The following NCOA2 variants were observed in gnomAD, a reference collection of about 807,000 sequenced individuals.
NCOA2 encodes the protein class E basic helix-loop-helix protein 75.
In NCOA2, 21 loss-of-function variants were observed where a neutral mutation model predicts 145.1. That is an observed-to-expected ratio of 0.14 (90% CI 0.10 to 0.21). The LOEUF is 0.21. Among genes scored for constraint, NCOA2 ranks in the 10% least tolerant of loss-of-function variants. The pLI is 1.00. For missense variants in NCOA2, 1,472 were observed against 1,837.6 expected (o/e 0.80, Z 3.64); for synonymous variants, 619 against 637.5 (o/e 0.97, Z 0.44).
intron 2 of NCOA2, among the ~76,000 whole-genome samples, chr8:70,222,553 G>C (rs1342327913): frequency 6.6e-6 from 1 of 152,140 alleles, no homozygotes; most frequent in Non-Finnish European, 1.5e-5. Context: ...ACAGTAACTA[G>C]AAGACATATT....
intron 1 of NCOA2, among the ~76,000 whole-genome samples, chr8:70,337,198 G>A (rs1269638596): frequency 2.2e-5 from 3 of 134,608 alleles, no homozygotes; most frequent in Non-Finnish European, 4.5e-5. Flanking sequence ...GCACTGCTGA[G>A]GAGTGTGTGT....
rs200846291 is a variant in NCOA2, at chr8:70,144,765, T to A, written c.2689A>T (p.Thr897Ser). The change falls in exon 13 of 23, where the codon ACT becomes TCT. Residue 897 changes from threonine to serine, a missense_variant. Physicochemically the swap from Thr to Ser is moderately conservative, Grantham distance 58. This residue lies in a region of NCOA2 where 953 missense variants were observed against 1,062.1 expected (regional missense o/e 0.90). Coordinates refer to ENST00000452400, the MANE Select transcript of NCOA2 (RefSeq NM_006540.4). Reference sequence around the variant, plus strand: ...ATTGGTGGGAAAGGTCCAGCACCAGTTGGGCTTTGCAATGTGATGTCAAGT... The same window carrying A: ...ATTGGTGGGAAAGGTCCAGCACCAGATGGGCTTTGCAATGTGATGTCAAGT... ...LPLDITLQSP[T>S]GAGPFPPIRN... 104 of 1,613,888 alleles carry A rather than the reference T, an allele frequency of 6.4e-5. No individual in the cohort carries two copies. In the South Asian group the frequency reaches 1.1e-3, roughly 17 times the overall value.
chr8:70,191,067 A>T (rs1816624246), intron 4 of NCOA2, among the ~76,000 whole-genome samples: 1 of 152,180 alleles, frequency 6.6e-6, no homozygotes, highest in Non-Finnish European at 1.5e-5. Flanking sequence ...GGTCTTTACA[A>T]ACACTGATAC....
intron 1 of NCOA2, among the ~76,000 whole-genome samples, chr8:70,335,949 G>C (rs1374675276): frequency 6.6e-6 from 1 of 152,038 alleles, no homozygotes; most frequent in African/African-American, 2.4e-5. Context: ...ACAAAGAAAA[G>C]ACACAGTAAA....
At chr8:70,193,907 T>C (rs944116349) in intron 4 of NCOA2, among the ~76,000 whole-genome samples, 1 of 151,936 alleles carries the variant, frequency 6.6e-6, no homozygotes, top group Non-Finnish European at 1.5e-5. Context: ...GGCATCTCAG[T>C]GATGAATGTA....
chr8:70,115,464 T>TG (rs1240827675), intron 22 of NCOA2, among the ~76,000 whole-genome samples: 1 of 152,128 alleles, frequency 6.6e-6, no homozygotes, highest in Non-Finnish European at 1.5e-5. Flanking sequence ...ACTTTAGGGG[T>TG]GGGGTCCATT....
At chr8:70,373,814 C>T (rs530078519) in intron 1 of NCOA2, among the ~76,000 whole-genome samples, 2 of 152,210 alleles carry the variant, frequency 1.3e-5, no homozygotes, top group Admixed American at 6.5e-5. Flanking sequence ...AACAATTGAC[C>T]GTATAACGTG....
At chr8:70,350,386 T>C (rs918920055) in intron 1 of NCOA2, among the ~76,000 whole-genome samples, 6 of 152,022 alleles carry the variant, frequency 3.9e-5, no homozygotes, top group African/African-American at 1.2e-4. Context: ...TAGGTTTTTT[T>C]CCTGGGATAT....
chr8:70,406,432 A>G (rs1236834337), upstream of NCOA2, among the ~76,000 whole-genome samples: 2 of 152,226 alleles, frequency 1.3e-5, no homozygotes, highest in African/African-American at 4.8e-5. Flanking sequence ...GCTCAATGAC[A>G]CAAATTAAGA....
chr8:70,222,156 A>G (rs1312459214), intron 2 of NCOA2, among the ~76,000 whole-genome samples: 6 of 152,242 alleles, frequency 3.9e-5, no homozygotes, highest in Non-Finnish European at 1.5e-5. Context: ...AAAGTTTTAG[A>G]GGACTCACTT....
At chr8:70,378,047 G>A (rs973441979) in intron 1 of NCOA2, among the ~76,000 whole-genome samples, 2 of 152,166 alleles carry the variant, frequency 1.3e-5, no homozygotes, top group African/African-American at 4.8e-5. Flanking sequence ...GAGACTGCAA[G>A]TAAAATGGAC....
rs73684280 is a variant in NCOA2, at chr8:70,342,820, C to T, written c.-76-46020G>A. On this transcript the variant is annotated intron_variant, in intron 1 of 22. Coordinates refer to ENST00000452400, the MANE Select transcript of NCOA2 (RefSeq NM_006540.4). ...ACACACACACACACACACACACACACATCCCTACATGGTTAGAAAATCTCT... is the reference window on the plus strand; with the variant it reads ...ACACACACACACACACACACACACATATCCCTACATGGTTAGAAAATCTCT... Among the ~76,000 whole-genome samples the T allele has an allele frequency of 3.5e-3, 479 of 137,692 alleles. 5 individuals carry two copies. The highest frequency in any genetic ancestry group is 0.013 in the African/African-American group (463 of 35,610). 90.3% of individuals were successfully genotyped at this position (137,692 alleles called of 152,430 possible).
chr8:70,142,170 CTTGATAT>C (rs1810513776), intron 13 of NCOA2, among the ~76,000 whole-genome samples: 1 of 152,192 alleles, frequency 6.6e-6, no homozygotes, highest in Non-Finnish European at 1.5e-5. Flanking sequence ...TTTGCTAAGA[CTTGATAT>C]TCTAAAGGGA....
At chr8:70,369,287 C>A (rs1420928971) in intron 1 of NCOA2, among the ~76,000 whole-genome samples, 2 of 152,170 alleles carry the variant, frequency 1.3e-5, no homozygotes, top group Non-Finnish European at 2.9e-5. Flanking sequence ...TTAAGGAAGG[C>A]TGTAGTACAA....
Position 70,174,874 on chromosome 8 carries a change from A to C in NCOA2, c.260-15T>G. On this transcript the variant is annotated splice_polypyrimidine_tract_variant and intron_variant, in intron 4 of 22. Coordinates refer to ENST00000452400, the MANE Select transcript of NCOA2 (RefSeq NM_006540.4). The stretch of plus-strand genomic sequence containing the variant: ...TGCTGCTTTCTCTGCAATAAACATA[A>C]GTGTGAATTAAATGGCAGTGCTATT... The C allele has an allele frequency of 6.2e-7, 1 of 1,607,050 alleles. No individual in the cohort carries two copies.
At chr8:70,140,593 GTTTTTTTT>G (rs71558582) in intron 14 of NCOA2, among the ~76,000 whole-genome samples, 40 of 79,790 alleles carry the variant, frequency 5.0e-4, no homozygotes, top group African/African-American at 2.0e-3. Flanking sequence ...TACCACCTAA[GTTTTTTTT>G]TTTTTTTTTT....
At chr8:70,391,132 GAAGA>G (rs1286807760) in intron 1 of NCOA2, among the ~76,000 whole-genome samples, 3 of 152,182 alleles carry the variant, frequency 2.0e-5, no homozygotes, top group Non-Finnish European at 4.4e-5. Context: ...AAGAAAAACA[GAAGA>G]GAGAAACAGA....
At chr8:70,140,593 G>GTTTTTTTTTTTTTTTTTTTT (rs71558582) in intron 14 of NCOA2, among the ~76,000 whole-genome samples, 1 of 79,784 alleles carries the variant, frequency 1.3e-5, no homozygotes, top group Non-Finnish European at 2.3e-5. Flanking sequence ...TACCACCTAA[G>GTTTTTTTTTTTTTTTTTTTT]TTTTTTTTTT....
intron 2 of NCOA2, among the ~76,000 whole-genome samples, chr8:70,259,354 C>A (rs1823917572): frequency 6.6e-6 from 1 of 152,150 alleles, no homozygotes; most frequent in Non-Finnish European, 1.5e-5. Flanking sequence ...TGTCTATGTA[C>A]TTATTTTGCC....
Sources: allele counts gnomAD v4.1 joint callset (sites outside exome capture counted in the v4.1 genomes callset), GRCh38; gene constraint gnomAD v4.1.1; regional missense constraint gnomAD v4.1.1; transcripts MANE v1.5; gene names NCBI Gene and HGNC (gene_info 2026-07-23, HGNC 2026-07-21).